CSMD3: variants seen among roughly 807,000 people sequenced by gnomAD.
The protein encoded by CSMD3 is CUB and Sushi multiple domains 3, also known as CUB and sushi domain-containing protein 3.
Under a neutral mutation model 435.2 loss-of-function variants are expected in CSMD3, and 177 were observed. The observed-to-expected ratio is 0.41, with a 90% confidence interval of 0.36 to 0.46. The LOEUF (loss-of-function observed/expected upper bound fraction) is 0.46. CSMD3 is among the 20% of genes least tolerant of loss of function. CSMD3 has a pLI of 0.34. For missense variants in CSMD3, 4,265 were observed against 4,504.6 expected, an observed-to-expected ratio of 0.95 and a Z score of 1.52; for synonymous variants, 1,656 against 1,520.5, an observed-to-expected ratio of 1.09 and a Z score of -2.07.
At chr8:112,781,756 A>T (rs79827373) in intron 13 of CSMD3, among the ~76,000 whole-genome samples, 2,109 of 152,252 alleles carry the variant, frequency 0.014, 54 homozygotes, top group African/African-American at 0.049. Flanking sequence ...TTGGGAGGAA[A>T]GTAAGTGAAG....
intron 31 of CSMD3, among the ~76,000 whole-genome samples, chr8:112,479,828 CT>C (rs1819458236): frequency 6.6e-6 from 1 of 152,230 alleles, no homozygotes; most frequent in Non-Finnish European, 1.5e-5. Flanking sequence ...CACAGAGAAA[CT>C]CTACTAGTGC....
intron 1 of CSMD3, among the ~76,000 whole-genome samples, chr8:113,415,531 T>C (rs1436832883): frequency 1.3e-5 from 2 of 152,138 alleles, no homozygotes; most frequent in Non-Finnish European, 2.9e-5. Flanking sequence ...TAAAGTTAGG[T>C]TTTCAGATGC....
chr8:113,022,410 G>T (rs1208976296), intron 5 of CSMD3, among the ~76,000 whole-genome samples: 8 of 151,818 alleles, frequency 5.3e-5, no homozygotes, highest in Non-Finnish European at 2.9e-5. Context: ...AATGGTAAAG[G>T]TTGGAAATAT....
intron 1 of CSMD3, among the ~76,000 whole-genome samples, chr8:113,333,535 A>G (rs986930198): frequency 1.3e-5 from 2 of 151,790 alleles, no homozygotes; most frequent in Non-Finnish European, 3.0e-5. Context: ...AAAAATCTAC[A>G]TTTCCGTAAA....
Position 112,550,653 on chromosome 8 carries a change from T to C in CSMD3, c.4564+18A>G. On this transcript the variant is annotated intron_variant, in intron 27 of 70. Transcript: ENST00000297405. ...ACCTTCCTATTTTGCATTGAAGAAA[T>C]TTTTTGAAAAAACTTACTTGAAAAC... is the stretch of plus-strand genomic sequence containing the variant. 1 of 1,468,142 alleles carries C rather than the reference T, an allele frequency of 6.8e-7. No homozygotes were observed. Among genetic ancestry groups the C allele is most frequent in the East Asian group, 2.3e-5 (1 of 44,078 alleles). 90.9% of individuals were successfully genotyped at this position (1,468,142 alleles called of 1,614,324 possible).
intron 3 of CSMD3, among the ~76,000 whole-genome samples, chr8:113,257,954 G>A (rs923463051): frequency 1.3e-5 from 2 of 152,012 alleles, no homozygotes; most frequent in African/African-American, 2.4e-5. Context: ...TGATTTCAAG[G>A]TACTAAGATG....
rs756995867 is a variant in CSMD3 at position 113,249,777 on chromosome 8, T to C, written c.514+28815A>G. 5.6e-4 allele frequency among the ~76,000 whole-genome samples: 85 copies of C among 151,986 alleles called. 1 individual carries two copies. Among genetic ancestry groups the C allele is most frequent in the African/African-American group, 2.0e-3 (83 of 41,504 alleles). ...ATATTTAATGTGGCTACTCTTGCCATAAGTCTTTGTGAATCTTGTTTCCTG... is the reference window on the plus strand; with the variant it reads ...ATATTTAATGTGGCTACTCTTGCCACAAGTCTTTGTGAATCTTGTTTCCTG... On this transcript the variant is annotated intron_variant, in intron 3 of 70. Transcript: ENST00000297405.
chr8:112,723,013 A>G (rs949874922), intron 13 of CSMD3, among the ~76,000 whole-genome samples: 1 of 152,020 alleles, frequency 6.6e-6, no homozygotes, highest in Admixed American at 6.6e-5. Flanking sequence ...CAAGCAGGTC[A>G]CATTAGTCAT....
At chr8:112,494,494 C>CTTTTCTTT (rs377610586) in intron 30 of CSMD3, among the ~76,000 whole-genome samples, 1,453 of 40,216 alleles carry the variant, frequency 0.036, 278 homozygotes, top group African/African-American at 0.064. Flanking sequence ...TTCTTTCTCT[C>CTTTTCTTT]CTTTCTTTCT....
intron 14 of CSMD3, among the ~76,000 whole-genome samples, chr8:112,687,952 G>T (rs968677823): frequency 3.9e-5 from 6 of 152,032 alleles, no homozygotes; most frequent in African/African-American, 1.2e-4. Context: ...GGAATAATTT[G>T]ATCCTATAAC....
At chr8:113,356,128 T>C (rs1188888465) in intron 1 of CSMD3, among the ~76,000 whole-genome samples, 1 of 152,064 alleles carries the variant, frequency 6.6e-6, no homozygotes, top group Non-Finnish European at 1.5e-5. Context: ...TTTCCATTCA[T>C]GCATATACCA....
chr8:113,412,342 C>T (rs1200468859), intron 1 of CSMD3, among the ~76,000 whole-genome samples: 1 of 152,046 alleles, frequency 6.6e-6, no homozygotes, highest in Non-Finnish European at 1.5e-5. Context: ...GTCTTCTCTA[C>T]ATGGGACTCG....
At chr8:112,340,886 A>G (rs1198184428) in intron 42 of CSMD3, among the ~76,000 whole-genome samples, 1 of 152,148 alleles carries the variant, frequency 6.6e-6, no homozygotes, top group Non-Finnish European at 1.5e-5. Flanking sequence ...TAGATAGAAT[A>G]GGAAGAATCA....
At chr8:113,267,670 T>C (rs900017996) in intron 3 of CSMD3, among the ~76,000 whole-genome samples, 2 of 151,520 alleles carry the variant, frequency 1.3e-5, no homozygotes, top group Non-Finnish European at 3.0e-5. Context: ...AGGAATAAAT[T>C]CAATGTTTGA....
intron 32 of CSMD3, among the ~76,000 whole-genome samples, chr8:112,432,623 T>A (rs112771738): frequency 0.012 from 1,799 of 152,218 alleles, 31 homozygotes; most frequent in African/African-American, 0.041. Context: ...AGAATCAATG[T>A]ATTAGATCAG....
At chr8:112,766,302 A>T (rs972768390) in intron 13 of CSMD3, among the ~76,000 whole-genome samples, 2 of 147,204 alleles carry the variant, frequency 1.4e-5, no homozygotes, top group African/African-American at 2.5e-5. Flanking sequence ...CTTGGAATAT[A>T]TTTTTTTTTT....
intron 23 of CSMD3, among the ~76,000 whole-genome samples, chr8:112,585,809 T>C (rs1020835952): frequency 3.3e-5 from 5 of 151,524 alleles, no homozygotes; most frequent in South Asian, 2.1e-4. Flanking sequence ...TGATACATTT[T>C]CCCCCCATAA....
chr8:112,751,074 TAA>T lies in CSMD3; in HGVS notation c.1972+49086_1972+49087del, dbSNP rs11287730. Among the ~76,000 whole-genome samples the T allele has an allele frequency of 1.6e-3, 245 of 150,090 alleles. 2 individuals are homozygous for T. Among genetic ancestry groups the T allele is most frequent in the African/African-American group, 3.9e-3 (158 of 40,942 alleles). ...GGATGACAGTATAGTAGCTTTGTAT[TAA>T]AAAAAAAAAATAGAATTATTTTGAT... On this transcript the variant is annotated intron_variant, in intron 13 of 70. Coordinates refer to ENST00000297405, the MANE Select transcript of CSMD3 (RefSeq NM_198123.2).
chr8:112,226,260 A>G (rs1394849669), intron 70 of CSMD3, among the ~76,000 whole-genome samples: 1 of 152,164 alleles, frequency 6.6e-6, no homozygotes, highest in Non-Finnish European at 1.5e-5. Context: ...CTACTGGATC[A>G]TATTTTTTTT....
Sources: allele counts gnomAD v4.1 joint callset (sites outside exome capture counted in the v4.1 genomes callset), GRCh38; gene constraint gnomAD v4.1.1; transcripts MANE v1.5; gene names NCBI Gene and HGNC (gene_info 2026-07-23, HGNC 2026-07-21).